SLC25A17: variants seen among roughly 807,000 people sequenced by gnomAD.
The protein encoded by SLC25A17 is solute carrier family 25 member 17, also known as peroxisomal membrane protein PMP34.
SLC25A17 carries 26 observed loss-of-function variants against 38.5 expected under a neutral mutation model. The observed-to-expected ratio is 0.68, with a 90% CI of 0.50 to 0.94. The LOEUF is 0.94. SLC25A17 is among the 40% of genes least tolerant of loss of function. The probability of loss-of-function intolerance (pLI) is 0.00; values close to 1 mark genes in which losing one functional copy is unlikely to be tolerated. For synonymous variants in SLC25A17, 139 were observed against 136.2 expected, an observed-to-expected ratio of 1.02 and a Z score of -0.14; for missense variants, 333 against 372.7, an observed-to-expected ratio of 0.89 and a Z score of 0.88.
intron 3 of SLC25A17, among the ~76,000 whole-genome samples, chr22:40,793,959 A>G (rs1424178159): frequency 1.3e-5 from 2 of 152,144 alleles, no homozygotes; most frequent in African/African-American, 4.8e-5. Context: ...CTTACTCTCA[A>G]ATAATTCAGA....
At position 40,770,773 on chromosome 22, in the gene SLC25A17, T is replaced by C. The variant is rs748091201; in HGVS notation, c.*61A>G. On this transcript the variant is annotated 3_prime_UTR_variant, in exon 9 of 9. Transcript: ENST00000435456. ...GCCAGAGTCAAGGGAGAATCACTTC[T>C]CTTCACTCAGGAGGAAACCTCCCTC... The C allele has an allele frequency of 7.3e-6, 11 of 1,510,916 alleles. No individual in the cohort carries two copies. Among genetic ancestry groups the C allele is most frequent in the Non-Finnish European group, 9.9e-6 (11 of 1,113,708 alleles). The allele number at this position is 1,510,916 out of a possible 1,614,324, so 93.6% of individuals were successfully genotyped here.
At position 40,819,268 on chromosome 22, in the gene SLC25A17, C is replaced by T. The variant is rs1007371179; in HGVS notation, c.-20G>A. The T allele has an allele frequency of 5.0e-6, 8 of 1,613,472 alleles. No homozygotes were observed. The African/African-American group carries it at 9.3e-5, about 19-fold the overall frequency. On this transcript the variant is annotated 5_prime_UTR_variant, in exon 1 of 9. Coordinates refer to ENST00000435456, the MANE Select transcript of SLC25A17 (RefSeq NM_006358.4). Reference sequence around the variant, plus strand: ...AGCCATTGGTGCGGCTCCTCGAAGACCCAGCCACACTTTTCCCACAGATGC... The same window carrying T: ...AGCCATTGGTGCGGCTCCTCGAAGATCCAGCCACACTTTTCCCACAGATGC...
chr22:40,796,040 C>T (rs1602611005), intron 2 of SLC25A17, among the ~76,000 whole-genome samples: 2 of 151,000 alleles, frequency 1.3e-5, no homozygotes, highest in Non-Finnish European at 3.0e-5. Context: ...CCGCCCGCCT[C>T]GGCCTCCCAA....
At chr22:40,796,936 A>C (rs1046369257) in intron 2 of SLC25A17, among the ~76,000 whole-genome samples, 1 of 152,232 alleles carries the variant, frequency 6.6e-6, no homozygotes, top group Non-Finnish European at 1.5e-5. Flanking sequence ...TGTTAAGTGA[A>C]AAGTTCAAAG....
intron 3 of SLC25A17, 45 bp from the exon 4 acceptor site, chr22:40,792,721 T>C (rs778084310): frequency 6.2e-7 from 1 of 1,600,326 alleles, no homozygotes; most frequent in Non-Finnish European, 8.5e-7. Flanking sequence ...ATGGACAAAT[T>C]AGAAATTGGC....
intron 1 of SLC25A17, among the ~76,000 whole-genome samples, chr22:40,808,358 G>C (rs2057548465): frequency 6.6e-6 from 1 of 152,160 alleles, no homozygotes; most frequent in African/African-American, 2.4e-5. Context: ...TGAGGAGATG[G>C]GGCAGGGTAG....
chr22:40,773,499 T>C (rs2057208794), intron 8 of SLC25A17, among the ~76,000 whole-genome samples: 2 of 151,792 alleles, frequency 1.3e-5, no homozygotes, highest in South Asian at 2.1e-4. Flanking sequence ...ACTGAAAATG[T>C]TAGCTACTCT....
At chr22:40,782,246 A>G (rs1354344991) in intron 4 of SLC25A17, among the ~76,000 whole-genome samples, 1 of 151,660 alleles carries the variant, frequency 6.6e-6, no homozygotes, top group African/African-American at 2.4e-5. Flanking sequence ...CAACAACAAC[A>G]ACAACTCTTC....
At position 40,819,203 on chromosome 22, in the gene SLC25A17, C is replaced by T. The variant is rs138597313; in HGVS notation, c.46G>A (p.Gly16Arg). The T allele has an allele frequency of 6.2e-7, 1 of 1,613,740 alleles. No individual in the cohort carries two copies. The highest frequency in any genetic ancestry group is 8.5e-7 in the Non-Finnish European group (1 of 1,180,014). The change falls in exon 1 of 9, where the codon GGA becomes AGA. Residue 16 changes from glycine (G) to arginine (R), a missense_variant. By Grantham distance (125) the Gly-to-Arg change is moderately radical. Transcript: ENST00000435456. Reference protein sequence around the residue: ...SYESLVHAVAGAVGSVTAMTV... With the variant: ...SYESLVHAVARAVGSVTAMTV... ...TAAAGACCCCGTCTCACCACGGCTC[C>T]GGCCACGGCGTGGACCAGGCTTTCG...
In SLC25A17 at chr22:40,814,944, C is replaced by T. The variant is rs549974073; in HGVS notation, c.54+4251G>A. ...ATGCCGTTCTCCTGCCTCAGCCTCC[C>T]GAGTAGCTGGGACTACAGGCGCCTG... is the stretch of plus-strand genomic sequence containing the variant. On this transcript the variant is annotated intron_variant, in intron 1 of 8. Transcript: ENST00000435456. Among the ~76,000 whole-genome samples the T allele has an allele frequency of 4.6e-5, 7 of 151,868 alleles. No individual in the cohort carries two copies. The South Asian group carries it at 8.3e-4, about 18-fold the overall frequency.
intron 1 of SLC25A17, among the ~76,000 whole-genome samples, chr22:40,811,454 G>A (rs1766109574): frequency 1.3e-5 from 2 of 150,934 alleles, no homozygotes; most frequent in African/African-American, 4.9e-5. Context: ...TTTTGAGACA[G>A]GGTCTCATTC....
intron 1 of SLC25A17, among the ~76,000 whole-genome samples, chr22:40,809,524 T>C (rs1467532335): frequency 1.3e-5 from 2 of 151,602 alleles, no homozygotes; most frequent in African/African-American, 4.9e-5. Flanking sequence ...CCCAGCTACT[T>C]GGGAAGCTGA....
At chr22:40,776,013 C>T (rs560033811) in intron 7 of SLC25A17, among the ~76,000 whole-genome samples, 1 of 152,330 alleles carries the variant, frequency 6.6e-6, no homozygotes, top group South Asian at 2.1e-4. Flanking sequence ...CTTTCGTCCA[C>T]TCTGCCCCAC....
Position 40,769,913 on chromosome 22 carries a change from C to G in SLC25A17, c.*921G>C, listed in dbSNP as rs754370869. Reference sequence around the variant, plus strand: ...AAGGAAGGTTTCCAAATGAAATAACCTCAACCAGATGTTTATTTTCAAAAT... The same window carrying G: ...AAGGAAGGTTTCCAAATGAAATAACGTCAACCAGATGTTTATTTTCAAAAT... On this transcript the variant is annotated 3_prime_UTR_variant, in exon 9 of 9. Coordinates refer to ENST00000435456, the MANE Select transcript of SLC25A17 (RefSeq NM_006358.4). The G allele has an allele frequency of 5.9e-5, 9 of 152,168 alleles. No homozygotes were observed. The highest frequency in any genetic ancestry group is 1.0e-4 in the Non-Finnish European group (7 of 68,032). 9.4% of individuals were successfully genotyped at this position (152,168 alleles called of 1,614,324 possible). A position where few individuals can be genotyped will look rare whatever the true frequency, so the allele number is the denominator to read the frequency against.
chr22:40,781,968 T>C (rs1031679433), intron 4 of SLC25A17, among the ~76,000 whole-genome samples: 5 of 152,078 alleles, frequency 3.3e-5, no homozygotes, highest in Middle Eastern at 6.3e-3. Flanking sequence ...ACGCCTGGAA[T>C]CCCAGCACTT....
intron 3 of SLC25A17, among the ~76,000 whole-genome samples, 191 bp from the exon 4 acceptor site, chr22:40,792,867 T>C (rs2057396428): frequency 6.6e-6 from 1 of 152,210 alleles, no homozygotes; most frequent in Non-Finnish European, 1.5e-5. Flanking sequence ...ATTCTAGCAC[T>C]AATGATACCA....
At chr22:40,780,835 G>A (rs1459536814) in intron 4 of SLC25A17, among the ~76,000 whole-genome samples, 2 of 152,100 alleles carry the variant, frequency 1.3e-5, no homozygotes, top group African/African-American at 4.8e-5. Flanking sequence ...AAACACTTAG[G>A]AGGCAATGCA....
At chr22:40,813,294 T>G (rs1269052743) in intron 1 of SLC25A17, among the ~76,000 whole-genome samples, 1 of 152,114 alleles carries the variant, frequency 6.6e-6, no homozygotes, top group African/African-American at 2.4e-5. Flanking sequence ...TCCCAGCACT[T>G]TGGGAGGCTG....
chr22:40,773,870 C>A, intron 8 of SLC25A17, 67 bp downstream of exon 8: 1 of 1,111,148 alleles, frequency 9.0e-7, no homozygotes. Flanking sequence ...GAGGGAAATG[C>A]AACCCCTCCC....
Sources: allele counts gnomAD v4.1 joint callset (sites outside exome capture counted in the v4.1 genomes callset), GRCh38; gene constraint gnomAD v4.1.1; transcripts MANE v1.5; gene names NCBI Gene and HGNC (gene_info 2026-07-23, HGNC 2026-07-21).